Variants in ZNF717 observed in about 807,000 individuals in gnomAD.
ZNF717 encodes the protein krueppel-like factor X17.
Under a neutral mutation model 13.8 loss-of-function variants are expected in ZNF717, and 9 were observed. That is an observed-to-expected ratio of 0.65 (90% CI 0.39 to 1.14). ZNF717 has a LOEUF of 1.14. Among genes scored for constraint, ZNF717 ranks in the 50% most tolerant of loss-of-function variants. ZNF717 has a pLI of 0.01. For synonymous variants in ZNF717, 327 were observed against 364.1 expected, an observed-to-expected ratio of 0.90 and a Z score of 1.16; for missense variants, 1,040 against 1,080.7, an observed-to-expected ratio of 0.96 and a Z score of 0.53.
At chr3:75,734,961 G>T (rs1938981402), downstream of ZNF717, among the ~76,000 whole-genome samples, 1 of 151,740 alleles carries the variant, frequency 6.6e-6, no homozygotes, top group African/African-American at 2.4e-5. Context: ...GAGTAGCTGG[G>T]ACTACAGGCG....
chr3:75,781,697 C>G lies in ZNF717; in HGVS notation c.57+1609G>C, dbSNP rs149452103. On this transcript the variant is annotated intron_variant, in intron 2 of 4. Coordinates refer to ENST00000652011, the MANE Select transcript of ZNF717 (RefSeq NM_001290208.3). ...CCTCAAGGACTTTAACTTGTGCAAG[C>G]TGACTTTCAACATATCAAAGACTGC... 3.5e-3 allele frequency among the ~76,000 whole-genome samples: 535 copies of G among 152,286 alleles called. 4 individuals are homozygous for G. The highest frequency in any genetic ancestry group is 0.012 in the African/African-American group (517 of 41,556).
chr3:75,734,422 GGTTTTTTTT>G (rs1403736890), downstream of ZNF717, among the ~76,000 whole-genome samples: 1 of 49,002 alleles, frequency 2.0e-5, no homozygotes, highest in South Asian at 8.3e-4. Context: ...TGGTAAAATG[GGTTTTTTTT>G]GTTTTTTTGT....
downstream of ZNF717, among the ~76,000 whole-genome samples, chr3:75,734,080 T>C (rs1367564252): frequency 3.9e-5 from 6 of 152,228 alleles, no homozygotes; most frequent in East Asian, 1.9e-4. Flanking sequence ...TTTTTATTTA[T>C]TTATTTTGAG....
In ZNF717 at chr3:75,739,139, A is replaced by C. The variant is rs1263731028; in HGVS notation, c.484T>G (p.Cys162Gly). 5.8e-6 allele frequency: 9 copies of C among 1,550,614 alleles called. No individual in the cohort carries two copies. The highest frequency in any genetic ancestry group is 7.9e-6 in the Non-Finnish European group (9 of 1,146,372). ...SGMKPGQFND[C>G]QNMLFPIKPG... ...TTAATAGGGAAAAGCATGTTCTGGC[A>C]ATCATTAAACTGCCCAGGCTTCATT... is the stretch of plus-strand genomic sequence containing the variant. Residue 162 changes from cysteine to glycine, a missense_variant, in exon 5 of 5, where the codon TGC (cysteine) becomes GGC (glycine). Around this residue, in one of 3 missense-constraint regions of ZNF717, gnomAD observed 873 missense variants for 832.8 expected, o/e 1.05. Transcript: ENST00000652011.
At chr3:75,702,597 AT>A (rs367988454) in intron 6 of ZNF717, among the ~76,000 whole-genome samples, 1 of 152,266 alleles carries the variant, frequency 6.6e-6, no homozygotes, top group African/African-American at 2.4e-5. Flanking sequence ...TAATTTATAC[AT>A]TAAAAAAACT....
At chr3:75,757,348 T>C (rs912784229) in intron 2 of ZNF717, among the ~76,000 whole-genome samples, 1 of 152,242 alleles carries the variant, frequency 6.6e-6, no homozygotes, top group African/African-American at 2.4e-5. Flanking sequence ...TGATTTACTA[T>C]TCTGAAAATC....
intron 2 of ZNF717, among the ~76,000 whole-genome samples, chr3:75,776,791 C>G (rs1291690525): frequency 6.6e-6 from 1 of 152,092 alleles, no homozygotes; most frequent in Non-Finnish European, 1.5e-5. Context: ...GATCACAGTT[C>G]GAGGCTTCTC....
chr3:75,738,645 G>A lies in ZNF717; in HGVS notation c.978C>T (p.Leu326=). ...CTGTGTGAATTCTCTGATGGATAATGAGGCTGGACTTATAGCTGAACAATT... is the reference window on the plus strand; with the variant it reads ...CTGTGTGAATTCTCTGATGGATAATAAGGCTGGACTTATAGCTGAACAATT... ...CEKLFSYKSS[L]IIHQRIHTGE... The change falls in exon 5 of 5, where the codon CTC becomes CTT. Residue 326 remains leucine, a synonymous_variant. Coordinates refer to ENST00000652011, the MANE Select transcript of ZNF717 (RefSeq NM_001290208.3). 1 of 1,552,720 alleles carries A rather than the reference G, an allele frequency of 6.4e-7. No individual in the cohort carries two copies. The highest frequency in any genetic ancestry group is 8.7e-7 in the Non-Finnish European group (1 of 1,147,714).
intron 5 of ZNF717, chr3:75,730,728 C>T (rs1332283656): frequency 1.6e-6 from 1 of 637,450 alleles, no homozygotes; most frequent in Admixed American, 2.7e-5. Flanking sequence ...ACAGAATCCA[C>T]AGAAATACTA....
downstream of ZNF717, among the ~76,000 whole-genome samples, chr3:75,729,670 A>G (rs1457036059): frequency 6.6e-6 from 1 of 151,670 alleles, no homozygotes; most frequent in Non-Finnish European, 1.5e-5. Context: ...GCTATGATGA[A>G]TTTTAACAGA....
chr3:75,716,170 G>T (rs1420366454), intron 5 of ZNF717, among the ~76,000 whole-genome samples: 1 of 147,818 alleles, frequency 6.8e-6, no homozygotes. Flanking sequence ...TAATAGAGAC[G>T]AGGTTTCACC....
At chr3:75,759,763 T>C (rs1279908252) in intron 2 of ZNF717, among the ~76,000 whole-genome samples, 4 of 151,688 alleles carry the variant, frequency 2.6e-5, no homozygotes, top group Non-Finnish European at 5.9e-5. Context: ...GAGATGGGAT[T>C]TCACCATGTT....
intron 5 of ZNF717, among the ~76,000 whole-genome samples, chr3:75,711,889 GGT>G (rs1270842922): frequency 6.6e-6 from 1 of 152,210 alleles, no homozygotes; most frequent in Non-Finnish European, 1.5e-5. Flanking sequence ...GAATAGCCAT[GGT>G]TTAAAATCTG....
chr3:75,742,388 A>AT (rs1940591855), intron 2 of ZNF717, among the ~76,000 whole-genome samples: 1 of 151,602 alleles, frequency 6.6e-6, no homozygotes, highest in Non-Finnish European at 1.5e-5. Flanking sequence ...TTATGAATAT[A>AT]TAAGTATAAA....
At chr3:75,732,909 T>C (rs1297846713), downstream of ZNF717, among the ~76,000 whole-genome samples, 25 of 148,094 alleles carry the variant, frequency 1.7e-4, no homozygotes, top group South Asian at 4.6e-4. Context: ...ACACCTATGA[T>C]ATTGGAATTA....
chr3:75,712,843 A>G (rs1235692652), intron 5 of ZNF717, among the ~76,000 whole-genome samples: 3 of 152,086 alleles, frequency 2.0e-5, no homozygotes, highest in African/African-American at 7.2e-5. Flanking sequence ...AAATTATATA[A>G]AATTATTACT....
rs1575770530 is a variant in ZNF717 at position 75,738,959 on chromosome 3, C to T, written c.664G>A (p.Ala222Thr). Reference protein sequence around the residue: ...NEQGKTFNTEAMFFIHKRVHI... With the variant: ...NEQGKTFNTETMFFIHKRVHI... ...ACCCTCTTATGTATAAAGAACATTG[C>T]CTCCGTGTTGAAGGTTTTCCCTTGT... Residue 222 changes from alanine (A) to threonine (T), a missense_variant, in exon 5 of 5, where the codon GCA (alanine) becomes ACA (threonine). Physicochemically the swap from Ala to Thr is moderately conservative, Grantham distance 58 (BLOSUM62 0). Around this residue, in one of 3 missense-constraint regions of ZNF717, gnomAD observed 873 missense variants for 832.8 expected, o/e 1.05. Transcript: ENST00000652011. The T allele has an allele frequency of 6.4e-7, 1 of 1,551,512 alleles. No homozygotes were observed. Among genetic ancestry groups the T allele is most frequent in the Admixed American group, 2.0e-5 (1 of 50,998 alleles).
At chr3:75,759,049 T>C (rs2107528505) in intron 2 of ZNF717, among the ~76,000 whole-genome samples, 1 of 152,346 alleles carries the variant, frequency 6.6e-6, no homozygotes, top group East Asian at 1.9e-4. Context: ...AATAAAGTAT[T>C]TGTAAACTAA....
At chr3:75,768,684 C>T (rs1256996373) in intron 2 of ZNF717, among the ~76,000 whole-genome samples, 1 of 150,738 alleles carries the variant, frequency 6.6e-6, no homozygotes, top group Non-Finnish European at 1.5e-5. Flanking sequence ...GACAGGCCAC[C>T]ACACCCTCAT....
Sources: allele counts gnomAD v4.1 joint callset (sites outside exome capture counted in the v4.1 genomes callset), GRCh38; gene constraint gnomAD v4.1.1; regional missense constraint gnomAD v4.1.1; transcripts MANE v1.5; gene names NCBI Gene and HGNC (gene_info 2026-07-23, HGNC 2026-07-21).